Variants in WWOX observed in about 807,000 individuals in gnomAD.
WWOX encodes WW domain containing oxidoreductase.
WWOX carries 69 observed loss-of-function variants against 46.2 expected under a neutral mutation model. The ratio of observed to expected loss-of-function variants is 1.49; its 90% CI spans 1.23 to 1.82. The LOEUF (loss-of-function observed/expected upper bound fraction) is 1.82, where lower values mean the gene tolerates loss of function less well. Ranked by LOEUF, WWOX falls within the 40% of genes most tolerant of loss-of-function variation. WWOX has a pLI of 0.00. For synonymous variants in WWOX, 359 were observed against 202.6 expected, an observed-to-expected ratio of 1.77 and a Z score of -6.56; for missense variants, 919 against 542.6, an observed-to-expected ratio of 1.69 and a Z score of -6.89.
intron 8 of WWOX, among the ~76,000 whole-genome samples, chr16:78,545,650 A>G (rs2044011718): frequency 6.6e-6 from 1 of 152,214 alleles, no homozygotes; most frequent in African/African-American, 2.4e-5. Context: ...TGAAACAGGC[A>G]CCGTGTTCAT....
chr16:78,878,613 G>A (rs918746141), intron 8 of WWOX, among the ~76,000 whole-genome samples: 1 of 151,312 alleles, frequency 6.6e-6, no homozygotes, highest in Non-Finnish European at 1.5e-5. Flanking sequence ...GAGATAATAT[G>A]TATGAAGAAC....
At chr16:78,722,788 C>G (rs1345019058) in intron 8 of WWOX, among the ~76,000 whole-genome samples, 2 of 146,062 alleles carry the variant, frequency 1.4e-5, no homozygotes, top group Non-Finnish European at 3.0e-5. Flanking sequence ...TGGCTGTAAT[C>G]TCAGCACTTT....
intron 8 of WWOX, among the ~76,000 whole-genome samples, chr16:78,676,368 G>C (rs1306760401): frequency 2.0e-5 from 3 of 151,130 alleles, no homozygotes; most frequent in African/African-American, 7.3e-5. Flanking sequence ...TTAGGCCTTG[G>C]TAGCATGAGC....
chr16:78,740,912 G>A (rs1470921187), intron 8 of WWOX, among the ~76,000 whole-genome samples: 3 of 152,038 alleles, frequency 2.0e-5, no homozygotes, highest in Non-Finnish European at 2.9e-5. Context: ...AACCCTCACA[G>A]AAAAAATAAG....
intron 5 of WWOX, chr16:78,280,971 C>T (rs75882098): frequency 0.1 from 15,798 of 152,710 alleles, 1,007 homozygotes; most frequent in Admixed American, 0.14. Context: ...TACATTTTCT[C>T]GGATTTGACA....
intron 8 of WWOX, among the ~76,000 whole-genome samples, chr16:78,706,073 T>TTA (rs1351386137): frequency 6.6e-6 from 1 of 150,930 alleles, no homozygotes; most frequent in East Asian, 1.9e-4. Context: ...TTTTTTTTTT[T>TTA]TTTTTTGACT....
At chr16:78,537,668 C>A (rs767773984) in intron 8 of WWOX, among the ~76,000 whole-genome samples, 1 of 152,000 alleles carries the variant, frequency 6.6e-6, no homozygotes, top group Non-Finnish European at 1.5e-5. Flanking sequence ...ACAACTGTCT[C>A]GGGGGCTGGA....
chr16:78,899,170 T>C (rs1445510687), intron 8 of WWOX: 22 of 152,168 alleles, frequency 1.4e-4, no homozygotes, highest in Non-Finnish European at 1.5e-5. Context: ...ATTCAGGACT[T>C]CTCTATTATA....
At chr16:78,933,753 C>G (rs1027810608) in intron 8 of WWOX, among the ~76,000 whole-genome samples, 6 of 152,006 alleles carry the variant, frequency 3.9e-5, no homozygotes, top group Admixed American at 1.3e-4. Context: ...GACTTATTCA[C>G]TATCACGAGA....
intron 5 of WWOX, among the ~76,000 whole-genome samples, chr16:78,334,380 G>A (rs1403241629): frequency 1.3e-5 from 2 of 152,012 alleles, no homozygotes; most frequent in South Asian, 2.1e-4. Flanking sequence ...TATGAACCTT[G>A]GAACAGAATA....
chr16:78,584,439 A>G (rs1043353979), intron 8 of WWOX, among the ~76,000 whole-genome samples: 1 of 152,232 alleles, frequency 6.6e-6, no homozygotes, highest in Non-Finnish European at 1.5e-5. Flanking sequence ...ACATTTTGTC[A>G]TGAGTAAAAC....
chr16:78,572,834 A>AG (rs1474699051), intron 8 of WWOX, among the ~76,000 whole-genome samples: 2 of 152,068 alleles, frequency 1.3e-5, no homozygotes, highest in African/African-American at 4.8e-5. Context: ...AGAGATACAC[A>AG]GGGGAGGTAT....
intron 8 of WWOX, among the ~76,000 whole-genome samples, chr16:78,568,920 C>T (rs1017528908): frequency 6.6e-6 from 1 of 152,176 alleles, no homozygotes; most frequent in African/African-American, 2.4e-5. Context: ...CACTGTCATC[C>T]TTATACTTGA....
At chr16:78,412,151 T>C (rs1287302901) in intron 6 of WWOX, among the ~76,000 whole-genome samples, 1 of 152,112 alleles carries the variant, frequency 6.6e-6, no homozygotes, top group Non-Finnish European at 1.5e-5. Context: ...CTAATGAGCC[T>C]AGAGATACTG....
chr16:78,808,812 C>G (rs1173825249), intron 8 of WWOX, among the ~76,000 whole-genome samples: 3 of 152,140 alleles, frequency 2.0e-5, no homozygotes, highest in East Asian at 3.9e-4. Context: ...CTAGCCTAAA[C>G]TGCTATTTTA....
chr16:79,054,050 A>G lies in WWOX; in HGVS notation c.1057-157558A>G, dbSNP rs992182733. 1.3e-4 allele frequency among the ~76,000 whole-genome samples: 20 copies of G among 152,228 alleles called. No individual in the cohort carries two copies. The South Asian group carries it at 2.5e-3, about 19-fold the overall frequency. On this transcript the variant is annotated intron_variant, in intron 8 of 8. Transcript: ENST00000566780. ...TGCTTGCAAATTTTATTACCTCATT[A>G]TAATTGATACCTGCTCTCTGAGCCA...
At chr16:78,842,457 C>T (rs1597706306) in intron 8 of WWOX, among the ~76,000 whole-genome samples, 1 of 151,766 alleles carries the variant, frequency 6.6e-6, no homozygotes, top group East Asian at 1.9e-4. Context: ...GAGCTAGGAT[C>T]ACGCTACTTT....
intron 8 of WWOX, among the ~76,000 whole-genome samples, chr16:78,942,546 A>C (rs894046034): frequency 9.2e-5 from 14 of 152,164 alleles, no homozygotes; most frequent in Non-Finnish European, 2.1e-4. Context: ...GCAAGGAATT[A>C]ATAAAAACCC....
chr16:78,619,144 T>A (rs543861770), intron 8 of WWOX, among the ~76,000 whole-genome samples: 2,262 of 3,642 alleles, frequency 0.62, 572 homozygotes, highest in Non-Finnish European at 0.65. Context: ...AAAAAAAAAA[T>A]ATATATATAT....
Sources: gnomAD v4.1 joint callset for allele counts (sites outside exome capture counted in the v4.1 genomes callset) on GRCh38, gnomAD v4.1.1 for gene constraint, MANE v1.5 for transcripts, NCBI Gene and HGNC (gene_info 2026-07-23, HGNC 2026-07-21) for gene names.